MAPK10: variants seen among roughly 807,000 people sequenced by gnomAD.
The protein encoded by MAPK10 is JNK3 alpha protein kinase.
A neutral mutation model predicts 59.3 loss-of-function variants in MAPK10; 25 were observed. The ratio of observed to expected loss-of-function variants is 0.42; its 90% CI spans 0.31 to 0.59. The LOEUF (loss-of-function observed/expected upper bound fraction) is 0.59, where lower values mean the gene tolerates loss of function less well. MAPK10 is among the 20% of genes least tolerant of loss of function. The pLI, the probability that MAPK10 is intolerant of heterozygous loss-of-function variation, is 0.15. For missense variants in MAPK10, 351 were observed against 568.9 expected (o/e 0.62, Z 3.90); for synonymous variants, 190 against 200.5 (o/e 0.95, Z 0.44).
intron 2 of MAPK10, among the ~76,000 whole-genome samples, chr4:86,318,936 T>C (rs1366033876): frequency 1.3e-5 from 2 of 152,170 alleles, no homozygotes; most frequent in East Asian, 3.9e-4. Flanking sequence ...AGATTATCTC[T>C]AAAGTCCCTT....
intron 1 of MAPK10, among the ~76,000 whole-genome samples, chr4:86,433,361 T>TAATACCAA (rs1398483182): frequency 7.2e-5 from 11 of 152,088 alleles, no homozygotes; most frequent in African/African-American, 2.7e-4. Flanking sequence ...AACCTGCAGC[T>TAATACCAA]AATACCAAAA....
At chr4:86,162,031 T>A (rs1167518815) in intron 3 of MAPK10, among the ~76,000 whole-genome samples, 1 of 151,960 alleles carries the variant, frequency 6.6e-6, no homozygotes, top group East Asian at 1.9e-4. Context: ...CTATTTAATA[T>A]TTAGAACTGT....
At chr4:86,090,904 C>T (rs1219627800) in intron 9 of MAPK10, 1 of 152,070 alleles carries the variant, frequency 6.6e-6, no homozygotes. Context: ...ATTTCTATTT[C>T]TCATTTAGTA....
chr4:86,158,761 A>T (rs1242431854), intron 4 of MAPK10, among the ~76,000 whole-genome samples: 1 of 152,000 alleles, frequency 6.6e-6, no homozygotes, highest in Non-Finnish European at 1.5e-5. Context: ...CAAAAATGTC[A>T]TAAAAGAATT....
intron 1 of MAPK10, among the ~76,000 whole-genome samples, chr4:86,404,708 T>C (rs1334542848): frequency 1.3e-5 from 2 of 152,178 alleles, no homozygotes; most frequent in African/African-American, 2.4e-5. Flanking sequence ...GGCAAATCCA[T>C]AGAAATCTTG....
At chr4:86,036,214 C>T (rs940739957) in intron 11 of MAPK10, among the ~76,000 whole-genome samples, 17 of 152,116 alleles carry the variant, frequency 1.1e-4, no homozygotes, top group African/African-American at 2.4e-5. Context: ...CCTTTGAAAG[C>T]TTTCCAAACT....
At chr4:86,512,341 T>C (rs906292332) in intron 1 of MAPK10, among the ~76,000 whole-genome samples, 1 of 152,324 alleles carries the variant, frequency 6.6e-6, no homozygotes, top group African/African-American at 2.4e-5. Context: ...ATTGGAAGCA[T>C]TGGCTATATT....
chr4:86,400,607 A>G (rs555631574), intron 1 of MAPK10, among the ~76,000 whole-genome samples: 25 of 152,292 alleles, frequency 1.6e-4, no homozygotes, highest in African/African-American at 6.0e-4. Flanking sequence ...CTTGTTTTCT[A>G]TAATAAATGT....
chr4:86,368,680 A>C (rs773548573), intron 1 of MAPK10, among the ~76,000 whole-genome samples: 1 of 152,188 alleles, frequency 6.6e-6, no homozygotes, highest in Non-Finnish European at 1.5e-5. Context: ...ACAACTAGCA[A>C]AATTATGTCC....
intron 1 of MAPK10, among the ~76,000 whole-genome samples, chr4:86,418,998 T>C (rs1436566146): frequency 1.3e-5 from 2 of 152,076 alleles, no homozygotes; most frequent in Non-Finnish European, 2.9e-5. Context: ...CCTTGGGGAC[T>C]TAAAAGGGAA....
chr4:86,119,257 G>A (rs1477460718), intron 4 of MAPK10, among the ~76,000 whole-genome samples: 4 of 152,062 alleles, frequency 2.6e-5, no homozygotes, highest in Non-Finnish European at 4.4e-5. Context: ...AGGGCCCTAC[G>A]CACTTTTGCC....
intron 1 of MAPK10, among the ~76,000 whole-genome samples, chr4:86,494,798 G>C (rs555136577): frequency 8.2e-6 from 1 of 122,424 alleles, no homozygotes; most frequent in Non-Finnish European, 1.6e-5. Context: ...AGCTGAGATC[G>C]TGCCACTGCA....
intron 4 of MAPK10, among the ~76,000 whole-genome samples, chr4:86,157,451 TTGTC>T (rs1402944413): frequency 6.6e-6 from 1 of 152,128 alleles, no homozygotes; most frequent in Admixed American, 6.6e-5. Context: ...ATGTTTCAGT[TTGTC>T]TGTCCATCAG....
At chr4:86,176,856 T>A (rs1481298494) in intron 3 of MAPK10, among the ~76,000 whole-genome samples, 1 of 152,058 alleles carries the variant, frequency 6.6e-6, no homozygotes, top group South Asian at 2.1e-4. Context: ...CACATTTTTA[T>A]AATAATGTTT....
intron 2 of MAPK10, chr4:86,219,862 A>C (rs924260916): frequency 6.6e-6 from 1 of 152,206 alleles, no homozygotes; most frequent in Non-Finnish European, 1.5e-5. Flanking sequence ...TGGTAAGAAG[A>C]GAACAACCAT....
intron 9 of MAPK10, among the ~76,000 whole-genome samples, chr4:86,096,082 T>G (rs1288150803): frequency 6.6e-6 from 1 of 151,682 alleles, no homozygotes; most frequent in Non-Finnish European, 1.5e-5. Context: ...AAGACTGCTG[T>G]ACTATGTAAT....
At chr4:86,027,032 G>A (rs1750647905) in intron 13 of MAPK10, 1 of 152,116 alleles carries the variant, frequency 6.6e-6, no homozygotes. Flanking sequence ...TGGCCGTCAT[G>A]AGCTGGTAGA....
At chr4:86,045,200 T>C (rs1018616966) in intron 11 of MAPK10, among the ~76,000 whole-genome samples, 1 of 152,064 alleles carries the variant, frequency 6.6e-6, no homozygotes, top group African/African-American at 2.4e-5. Context: ...CTCTACACCA[T>C]CAAAAAGTGT....
At chr4:86,204,455 A>C (rs1180821570) in intron 2 of MAPK10, among the ~76,000 whole-genome samples, 1 of 151,978 alleles carries the variant, frequency 6.6e-6, no homozygotes, top group Non-Finnish European at 1.5e-5. Context: ...TTAACATTAG[A>C]GTTATCACCA....
Sources: allele counts gnomAD v4.1 joint callset (sites outside exome capture counted in the v4.1 genomes callset), GRCh38; gene constraint gnomAD v4.1.1; transcripts MANE v1.5; gene names NCBI Gene and HGNC (gene_info 2026-07-23, HGNC 2026-07-21).